RIMBP2: variants seen among roughly 807,000 people sequenced by gnomAD.
RIMBP2 encodes the protein RIMS binding protein 2, also known as RIMS-binding protein 2.
A neutral mutation model predicts 118.6 loss-of-function variants in RIMBP2; 48 were observed. The observed-to-expected ratio is 0.40, with a 90% CI of 0.32 to 0.51. The LOEUF (loss-of-function observed/expected upper bound fraction) is 0.51. Among genes scored for constraint, RIMBP2 ranks in the 20% least tolerant of loss-of-function variants. The probability of loss-of-function intolerance (pLI) is 0.41; values close to 1 mark genes in which losing one functional copy is unlikely to be tolerated. For missense variants in RIMBP2, 1,551 were observed against 1,768.3 expected, an observed-to-expected ratio of 0.88 and a Z score of 2.20; for synonymous variants, 762 against 742.9, an observed-to-expected ratio of 1.03 and a Z score of -0.42.
intron 6 of RIMBP2, among the ~76,000 whole-genome samples, chr12:130,457,877 C>G (rs1263821492): frequency 6.6e-6 from 1 of 152,208 alleles, no homozygotes; most frequent in African/African-American, 2.4e-5. Flanking sequence ...GCATGCAAAG[C>G]CGCTTTCTTG....
At chr12:130,574,525 A>G (rs796403260) in intron 2 of RIMBP2, among the ~76,000 whole-genome samples, 1 of 152,256 alleles carries the variant, frequency 6.6e-6, no homozygotes, top group African/African-American at 2.4e-5. Flanking sequence ...TTTACATAAA[A>G]GCTCCCAGTG....
In RIMBP2 at chr12:130,424,528, G is replaced by A. The variant is rs557081040; in HGVS notation, c.2743C>T (p.Arg915Trp). ...RGCRFSRSATRSPDSGLDCGS... is the reference protein window; with the variant it reads ...RGCRFSRSATWSPDSGLDCGS... Reference sequence around the variant, plus strand: ...CAGTCCAGGCCGCTGTCCGGGCTCCGGGTGGCCGAGCGGCTGAACCGACAG... The same window carrying A: ...CAGTCCAGGCCGCTGTCCGGGCTCCAGGTGGCCGAGCGGCTGAACCGACAG... The change falls in exon 16 of 23, where the codon CGG becomes TGG. Residue 915 changes from arginine to tryptophan, a missense_variant. Arg to Trp is a moderately radical substitution (Grantham distance 101, BLOSUM62 -3). Around this residue, in one of 5 missense-constraint regions of RIMBP2, gnomAD observed 1,038 missense variants for 1,125.1 expected, o/e 0.92. Coordinates refer to ENST00000690449, the MANE Select transcript of RIMBP2 (RefSeq NM_001393629.1). The surrounding 1 kb of genome is among the most constrained non-coding windows in gnomAD (Gnocchi z 9.8). 179 of 1,231,962 alleles carry A rather than the reference G, an allele frequency of 1.5e-4. No individual in the cohort carries two copies. The highest frequency in any genetic ancestry group is 2.5e-4 in the Admixed American group (6 of 23,714). The allele number at this position is 1,231,962 out of a possible 1,614,324, so 76.3% of individuals were successfully genotyped here. A position where few individuals can be genotyped will look rare whatever the true frequency, so the allele number is the denominator to read the frequency against.
chr12:130,510,940 G>A (rs150762973), intron 3 of RIMBP2, among the ~76,000 whole-genome samples: 3 of 152,198 alleles, frequency 2.0e-5, no homozygotes, highest in Non-Finnish European at 2.9e-5. Flanking sequence ...AGGGAGAACC[G>A]AAAAGACTGA....
At chr12:130,468,093 C>A (rs1186872365) in intron 6 of RIMBP2, among the ~76,000 whole-genome samples, 1 of 152,164 alleles carries the variant, frequency 6.6e-6, no homozygotes, top group Non-Finnish European at 1.5e-5. Context: ...AGACATGAAA[C>A]CCCCACTGCA....
intron 22 of RIMBP2, chr12:130,397,797 C>A (rs962977385): frequency 1.9e-5 from 6 of 314,056 alleles, no homozygotes; most frequent in Non-Finnish European, 3.5e-5. Context: ...GTTGCTTTGG[C>A]AAAGCTAAGG....
At chr12:130,645,358 C>T (rs1186559008) in intron 1 of RIMBP2, among the ~76,000 whole-genome samples, 1 of 152,222 alleles carries the variant, frequency 6.6e-6, no homozygotes, top group Non-Finnish European at 1.5e-5. Flanking sequence ...AAACCAACTT[C>T]TATTATCCAG....
Position 130,523,714 on chromosome 12 carries a change from C to T in RIMBP2, c.-216-5797G>A, listed in dbSNP as rs545114538. On this transcript the variant is annotated intron_variant, in intron 2 of 22. Transcript: ENST00000690449. This position sits in a 1 kb window ranked among gnomAD's most constrained non-coding sequence, Gnocchi z 4.4. ...CCACTGAGTGTGTATGTGTCAGTAC[C>T]GGGCTCAGCAGGGGGCCCTGAGTGA... Among the ~76,000 whole-genome samples, 13 of 152,188 alleles carry T rather than the reference C, an allele frequency of 8.5e-5. No homozygotes were observed. Among genetic ancestry groups the T allele is most frequent in the South Asian group, 2.1e-4 (1 of 4,830 alleles).
chr12:130,662,833 A>AGGAG (rs1463515431), intron 1 of RIMBP2, among the ~76,000 whole-genome samples: 1 of 151,940 alleles, frequency 6.6e-6, no homozygotes, highest in Non-Finnish European at 1.5e-5. Context: ...GTGCACTCCT[A>AGGAG]TGGTCCCAGC....
At position 130,710,134 on chromosome 12, in the gene RIMBP2, A is replaced by C. The variant is rs1304282754; in HGVS notation, c.-352+6088T>G. ...GGTCCCAGCTGCTCCAAAAACACCC[A>C]AGGAGCAATTTCTGCACATACCTAT... On this transcript the variant is annotated intron_variant, in intron 1 of 22. Transcript: ENST00000690449. The surrounding 1 kb of genome is among the most constrained non-coding windows in gnomAD (Gnocchi z 4.3). Among the ~76,000 whole-genome samples the C allele has an allele frequency of 6.6e-6, 1 of 152,100 alleles. No individual in the cohort carries two copies. Among genetic ancestry groups the C allele is most frequent in the Non-Finnish European group, 1.5e-5 (1 of 68,004 alleles).
At chr12:130,482,136 G>A (rs182816704) in intron 4 of RIMBP2, among the ~76,000 whole-genome samples, 24 of 152,344 alleles carry the variant, frequency 1.6e-4, no homozygotes, top group Non-Finnish European at 2.6e-4. Context: ...TCAGTGCGGT[G>A]TGGCTTTGCT....
At chr12:130,635,493 G>T (rs1013182790) in intron 1 of RIMBP2, among the ~76,000 whole-genome samples, 1 of 152,234 alleles carries the variant, frequency 6.6e-6, no homozygotes, top group South Asian at 2.1e-4. Context: ...TGGGTGCATT[G>T]GTGGCACCTG....
At chr12:130,707,649 C>A (rs1257723420) in intron 1 of RIMBP2, among the ~76,000 whole-genome samples, 2 of 152,176 alleles carry the variant, frequency 1.3e-5, no homozygotes, top group African/African-American at 4.8e-5. Flanking sequence ...GAGCCGTTTC[C>A]AACAGGAGCC....
chr12:130,513,317 T>TA (rs2051110686), intron 3 of RIMBP2, among the ~76,000 whole-genome samples: 1 of 152,172 alleles, frequency 6.6e-6, no homozygotes, highest in African/African-American at 2.4e-5. Flanking sequence ...TTTTATTCTC[T>TA]AAAAAAATCT....
intron 2 of RIMBP2, among the ~76,000 whole-genome samples, chr12:130,561,086 G>A (rs936011225): frequency 6.6e-6 from 1 of 152,194 alleles, no homozygotes; most frequent in African/African-American, 2.4e-5. Flanking sequence ...TGATGCTTCT[G>A]CACGCCAAGG....
At chr12:130,598,552 C>A (rs1232984233) in intron 2 of RIMBP2, among the ~76,000 whole-genome samples, 3 of 152,048 alleles carry the variant, frequency 2.0e-5, no homozygotes, top group Non-Finnish European at 2.9e-5. Context: ...CACGGTGAAA[C>A]CCCATCTCTA....
rs572666696 is a variant in RIMBP2 at position 130,476,357 on chromosome 12, T to G, written c.102+2555A>C. 7.3e-4 allele frequency among the ~76,000 whole-genome samples: 111 copies of G among 152,284 alleles called. 3 individuals carry two copies. The highest frequency in any genetic ancestry group is 1.2e-4 in the Non-Finnish European group (8 of 68,016). On this transcript the variant is annotated intron_variant, in intron 5 of 22. Coordinates refer to ENST00000690449, the MANE Select transcript of RIMBP2 (RefSeq NM_001393629.1). ...TGGCTCCACAGCCCTCTCATCAGAA[T>G]CACCTTTGGGCCTTGGAGAGTCCAA... is the stretch of plus-strand genomic sequence containing the variant.
intron 14 of RIMBP2, chr12:130,432,342 C>T: frequency 2.2e-6 from 1 of 455,928 alleles, no homozygotes; most frequent in Non-Finnish European, 4.4e-6. Context: ...AAAATAAGAG[C>T]TTACGTTTAC....
At chr12:130,412,516 A>T (rs1032088300) in intron 19 of RIMBP2, 103 bp downstream of exon 19, 2 of 1,073,118 alleles carry the variant, frequency 1.9e-6, no homozygotes, top group Non-Finnish European at 2.7e-6. Flanking sequence ...GCATATTTAA[A>T]TGATGCAATT....
At chr12:130,647,287 CG>C (rs1313725440) in intron 1 of RIMBP2, among the ~76,000 whole-genome samples, 4 of 152,094 alleles carry the variant, frequency 2.6e-5, no homozygotes, top group South Asian at 2.1e-4. Flanking sequence ...CTCTTGAACC[CG>C]GGGGGTGGAG....
Sources: gnomAD v4.1 joint callset for allele counts (sites outside exome capture counted in the v4.1 genomes callset) on GRCh38, gnomAD v4.1.1 for gene constraint, gnomAD v4.1.1 regional missense constraint, Gnocchi (gnomAD v3.1) non-coding constraint, MANE v1.5 for transcripts, NCBI Gene and HGNC (gene_info 2026-07-23, HGNC 2026-07-21) for gene names.